FRMPD2: variants seen among roughly 807,000 people sequenced by gnomAD.
The protein encoded by FRMPD2 is FERM and PDZ domain-containing protein 2.
Under a neutral mutation model 140.1 loss-of-function variants are expected in FRMPD2, and 96 were observed. The ratio of observed to expected loss-of-function variants is 0.69; its 90% CI spans 0.58 to 0.81. The LOEUF (loss-of-function observed/expected upper bound fraction) is 0.81. FRMPD2 is among the 40% of genes least tolerant of loss of function. The probability of loss-of-function intolerance (pLI) is 0.00; values close to 1 mark genes in which losing one functional copy is unlikely to be tolerated. For synonymous variants in FRMPD2, 449 were observed against 547.6 expected (o/e 0.82, Z 2.52); for missense variants, 1,240 against 1,447.4 (o/e 0.86, Z 2.32).
intron 14 of FRMPD2, 100 bp downstream of exon 14, chr10:48,206,648 A>G: frequency 1.2e-6 from 1 of 864,926 alleles, no homozygotes; most frequent in Non-Finnish European, 1.9e-6. Flanking sequence ...ATGTTTGGTC[A>G]GGAGAAAGCC....
Position 48,223,188 on chromosome 10 carries a change from G to C in FRMPD2, c.1251C>G (p.Thr417=). ...PEGWREQPQK[T]SMNTFTLFLR... ...GGAAGAGTGTGAAGGTATTCATGGA[G>C]GTCTTCTGAGGCTGCTCTCTCCAGC... The change falls in exon 11 of 29, where the codon ACC becomes ACG. Residue 417 remains threonine (T), a synonymous_variant. Transcript: ENST00000374201. 1 of 1,613,986 alleles carries C rather than the reference G, an allele frequency of 6.2e-7. No homozygotes were observed. The highest frequency in any genetic ancestry group is 2.2e-5 in the East Asian group (1 of 44,884).
rs1840015660 is a variant in FRMPD2 at position 48,238,144 on chromosome 10, G to GTT, written c.789-22_789-21insAA. 9.4e-6 allele frequency: 15 copies of GTT among 1,602,290 alleles called. No individual in the cohort carries two copies. In the East Asian group the frequency reaches 3.3e-4, roughly 36 times the overall value. On this transcript the variant is annotated intron_variant, in intron 7 of 28. Transcript: ENST00000374201. ...GAGCGCTGGCCAGGGGTTGAGAAGG[G>GTT]GTGAAGCACTTAGCAATGGCAAGGG...
intron 24 of FRMPD2, among the ~76,000 whole-genome samples, chr10:48,173,722 C>T (rs1246742721): frequency 6.6e-6 from 1 of 152,158 alleles, no homozygotes; most frequent in Non-Finnish European, 1.5e-5. Flanking sequence ...CACCCCAGGT[C>T]TGTACCACCT....
Position 48,201,340 on chromosome 10 carries a change from G to C in FRMPD2, c.1842C>G (p.His614Gln), listed in dbSNP as rs373927514. 6.2e-7 allele frequency: 1 copy of C among 1,613,886 alleles called. No individual in the cohort carries two copies. Among genetic ancestry groups the C allele is most frequent in the East Asian group, 2.2e-5 (1 of 44,882 alleles). Reference protein sequence around the residue: ...TITSSVTGKKHTFVTDSAKTS... With the variant: ...TITSSVTGKKQTFVTDSAKTS... ...TCTTGGCTGAATCTGTGACAAATGT[G>C]TGCTTCTTCCCAGTGACACTGCTTG... The change falls in exon 15 of 29, where the codon CAC (histidine) becomes CAG (glutamine). Residue 614 changes from histidine to glutamine, a missense_variant. This residue lies in a region of FRMPD2 where 1,161 missense variants were observed against 1,055.9 expected (regional missense o/e 1.10). Transcript: ENST00000374201.
At chr10:48,270,621 T>C (rs1840750932) in intron 1 of FRMPD2, among the ~76,000 whole-genome samples, 1 of 152,172 alleles carries the variant, frequency 6.6e-6, no homozygotes, top group East Asian at 1.9e-4. Flanking sequence ...TCAGACCCGT[T>C]TCTTGAGCTC....
At chr10:48,224,971 G>A (rs902322181) in intron 10 of FRMPD2, among the ~76,000 whole-genome samples, 3 of 152,210 alleles carry the variant, frequency 2.0e-5, no homozygotes, top group Non-Finnish European at 4.4e-5. Flanking sequence ...ATCTTTAGAA[G>A]GTCTGATGAG....
chr10:48,231,929 C>T (rs1217894873), intron 10 of FRMPD2, among the ~76,000 whole-genome samples, 186 bp downstream of exon 10: 1 of 152,230 alleles, frequency 6.6e-6, no homozygotes, highest in Non-Finnish European at 1.5e-5. Context: ...TGACAACCTT[C>T]TGCACTTGCT....
chr10:48,213,745 A>T (rs933511781), intron 12 of FRMPD2, among the ~76,000 whole-genome samples: 1 of 152,242 alleles, frequency 6.6e-6, no homozygotes, highest in Non-Finnish European at 1.5e-5. Flanking sequence ...TTACTGTATG[A>T]TCATAACTAT....
At chr10:48,262,812 T>C (rs1043107744) in intron 1 of FRMPD2, among the ~76,000 whole-genome samples, 1 of 152,202 alleles carries the variant, frequency 6.6e-6, no homozygotes, top group African/African-American at 2.4e-5. Context: ...TCTTGCCCTG[T>C]TGCCCAGCCT....
chr10:48,182,435 G>T (rs2132424197), intron 20 of FRMPD2, among the ~76,000 whole-genome samples: 1 of 152,340 alleles, frequency 6.6e-6, no homozygotes, highest in South Asian at 2.1e-4. Context: ...GACCATGACA[G>T]ATGCTCATGA....
At chr10:48,260,602 A>G (rs959612536) in intron 1 of FRMPD2, among the ~76,000 whole-genome samples, 1 of 152,146 alleles carries the variant, frequency 6.6e-6, no homozygotes, top group Non-Finnish European at 1.5e-5. Context: ...TGACACATAA[A>G]ATTAATTATA....
At chr10:48,230,746 G>A (rs1839831092) in intron 10 of FRMPD2, among the ~76,000 whole-genome samples, 1 of 152,142 alleles carries the variant, frequency 6.6e-6, no homozygotes, top group African/African-American at 2.4e-5. Context: ...GACTGAATTG[G>A]ACCCTGAATT....
At chr10:48,250,416 G>A (rs1840348054) in intron 2 of FRMPD2, among the ~76,000 whole-genome samples, 3 of 151,758 alleles carry the variant, frequency 2.0e-5, no homozygotes, top group Admixed American at 6.6e-5. Context: ...TTCTTTTTTT[G>A]AGACAGAGTT....
intron 1 of FRMPD2, among the ~76,000 whole-genome samples, chr10:48,261,104 T>C (rs1840582470): frequency 6.6e-6 from 1 of 151,910 alleles, no homozygotes; most frequent in Non-Finnish European, 1.5e-5. Context: ...AATGGAAATG[T>C]GAAGAAAACA....
intron 9 of FRMPD2, among the ~76,000 whole-genome samples, chr10:48,234,454 G>T (rs1490430703): frequency 2.0e-5 from 3 of 152,170 alleles, no homozygotes; most frequent in Non-Finnish European, 4.4e-5. Flanking sequence ...AATCTGTTTT[G>T]TTCCCAACAC....
At position 48,160,913 on chromosome 10, in the gene FRMPD2, C is replaced by G. The variant is rs558514521; in HGVS notation, c.3881+2415G>C. Among the ~76,000 whole-genome samples, 45 of 147,860 alleles carry G rather than the reference C, an allele frequency of 3.0e-4. No individual in the cohort carries two copies. The East Asian group carries it at 8.4e-3, about 28-fold the overall frequency. Reference sequence around the variant, plus strand: ...TATGTGTGCATTAAATGCAAACTGACGTCCTATTGGAGGAGAGGTGGACTT... The same window carrying G: ...TATGTGTGCATTAAATGCAAACTGAGGTCCTATTGGAGGAGAGGTGGACTT... On this transcript the variant is annotated intron_variant, in intron 28 of 28. Transcript: ENST00000374201.
chr10:48,217,704 A>T (rs930381765), intron 12 of FRMPD2, among the ~76,000 whole-genome samples: 1 of 152,112 alleles, frequency 6.6e-6, no homozygotes, highest in Non-Finnish European at 1.5e-5. Flanking sequence ...GGGACATGGC[A>T]AAAAAAATTT....
chr10:48,159,557 T>C (rs71500233), intron 28 of FRMPD2, among the ~76,000 whole-genome samples: 7 of 151,974 alleles, frequency 4.6e-5, no homozygotes, highest in African/African-American at 9.7e-5. Flanking sequence ...ACACCTGGCC[T>C]GGCCCCTGCA....
chr10:48,190,206 T>C (rs545719027), intron 16 of FRMPD2, among the ~76,000 whole-genome samples: 1 of 152,300 alleles, frequency 6.6e-6, no homozygotes, highest in Non-Finnish European at 1.5e-5. Flanking sequence ...GGCAGTTCCA[T>C]GAGAGCTCAG....
Sources: gnomAD v4.1 joint callset for allele counts (sites outside exome capture counted in the v4.1 genomes callset) on GRCh38, gnomAD v4.1.1 for gene constraint, gnomAD v4.1.1 regional missense constraint, MANE v1.5 for transcripts, NCBI Gene and HGNC (gene_info 2026-07-23, HGNC 2026-07-21) for gene names.